The following PCDHA9 variants were observed in gnomAD, a reference collection of about 807,000 sequenced individuals.
The protein encoded by PCDHA9 is protocadherin alpha 9, also known as protocadherin alpha-9.
A neutral mutation model predicts 62.0 loss-of-function variants in PCDHA9; 62 were observed. The observed-to-expected ratio is 1.00, with a 90% CI of 0.81 to 1.23. The LOEUF is 1.23. PCDHA9 is among the 50% of genes most tolerant of loss of function. PCDHA9 has a pLI of 0.00. For missense variants in PCDHA9, 1,205 were observed against 1,249.8 expected, an observed-to-expected ratio of 0.96 and a Z score of 0.54; for synonymous variants, 557 against 567.6, an observed-to-expected ratio of 0.98 and a Z score of 0.27.
chr5:140,880,689 T>C lies in PCDHA9; in HGVS notation c.2394+29800T>C, dbSNP rs957358698. 1.2e-4 allele frequency among the ~76,000 whole-genome samples: 18 copies of C among 152,326 alleles called. No homozygotes were observed. In the South Asian group the frequency reaches 3.7e-3, roughly 32 times the overall value. Reference sequence around the variant, plus strand: ...AGAGTAAATTTGAAGAGAATAGTCATGGTTAAGTGACAATGTTGAGCAGCT... The same window carrying C: ...AGAGTAAATTTGAAGAGAATAGTCACGGTTAAGTGACAATGTTGAGCAGCT... On this transcript the variant is annotated intron_variant, in intron 1 of 3. Transcript: ENST00000532602.
chr5:140,994,417 T>C (rs1401833924), intron 3 of PCDHA9, among the ~76,000 whole-genome samples: 1 of 152,078 alleles, frequency 6.6e-6, no homozygotes, highest in East Asian at 1.9e-4. Context: ...ATACTGGATA[T>C]TGAGGCCGGG....
chr5:140,850,760 G>T lies in PCDHA9; in HGVS notation c.2265G>T (p.Arg755Ser). 1.3e-6 allele frequency: 2 copies of T among 1,598,100 alleles called. 1 individual carries two copies. The highest frequency in any genetic ancestry group is 1.7e-6 in the Non-Finnish European group (2 of 1,167,646). The change falls in exon 1 of 4, where the codon AGG becomes AGT. Residue 755 changes from arginine to serine, a missense_variant. By Grantham distance (110) the Arg-to-Ser change is moderately radical. Coordinates refer to ENST00000532602, the MANE Select transcript of PCDHA9 (RefSeq NM_031857.2). ...GTTGGTCGTACTCGCAGCAGAGGAGGCAGAGGGTGTGCTCTGGCGAGGGTA... is the reference window on the plus strand; with the variant it reads ...GTTGGTCGTACTCGCAGCAGAGGAGTCAGAGGGTGTGCTCTGGCGAGGGTA... Reference protein sequence around the residue: ...VGSWSYSQQRRQRVCSGEGKQ... With the variant: ...VGSWSYSQQRSQRVCSGEGKQ...
At chr5:140,928,165 C>T (rs1554205580) in intron 1 of PCDHA9, 3 of 1,614,200 alleles carry the variant, frequency 1.9e-6, no homozygotes, top group East Asian at 2.2e-5. Context: ...CTCACCCCCA[C>T]TTAGCACCCG....
chr5:140,986,291 A>C (rs1554247870), intron 3 of PCDHA9, among the ~76,000 whole-genome samples: 1 of 152,142 alleles, frequency 6.6e-6, no homozygotes, highest in East Asian at 1.9e-4. Context: ...CTTGAGACTG[A>C]GCAGAGAGAG....
At chr5:140,865,810 T>A (rs1350387651) in intron 1 of PCDHA9, 1 of 152,186 alleles carries the variant, frequency 6.6e-6, no homozygotes, top group Non-Finnish European at 1.5e-5. Flanking sequence ...CATTCTTTTA[T>A]CCACTATAAT....
At chr5:140,885,291 G>A (rs1554182107) in intron 1 of PCDHA9, among the ~76,000 whole-genome samples, 6 of 152,132 alleles carry the variant, frequency 3.9e-5, no homozygotes, top group Non-Finnish European at 8.8e-5. Context: ...TATATAGAGA[G>A]AGACCTGGTA....
At chr5:140,929,400 A>G (rs915139377) in intron 1 of PCDHA9, 5 of 1,509,110 alleles carry the variant, frequency 3.3e-6, no homozygotes, top group African/African-American at 2.8e-5. Flanking sequence ...TATTTCTTAG[A>G]CAAGCCTTTC....
At chr5:140,946,097 C>T (rs1452170851) in intron 1 of PCDHA9, among the ~76,000 whole-genome samples, 1 of 151,826 alleles carries the variant, frequency 6.6e-6, no homozygotes, top group Admixed American at 6.6e-5. Context: ...AAGGAGTTAA[C>T]ATACCAAATA....
At chr5:140,949,745 T>C (rs114918785) in intron 1 of PCDHA9, among the ~76,000 whole-genome samples, 49 of 152,020 alleles carry the variant, frequency 3.2e-4, no homozygotes, top group African/African-American at 1.1e-3. Context: ...ACTGAAGTGC[T>C]TAGCCCATTC....
rs1316558090 is a variant in PCDHA9, at chr5:140,876,786, G to A, written c.2394+25897G>A. 4 of 1,614,114 alleles carry A rather than the reference G, an allele frequency of 2.5e-6. No individual in the cohort carries two copies. In the African/African-American group the frequency reaches 5.3e-5, roughly 22 times the overall value. ...GGGGCTCGCCTTCGCTGTGGGCCAC[G>A]GCTAGAGTGTCCGTGGAGGTGGCCG... is the stretch of plus-strand genomic sequence containing the variant. On this transcript the variant is annotated intron_variant, in intron 1 of 3. Transcript: ENST00000532602.
intron 1 of PCDHA9, among the ~76,000 whole-genome samples, chr5:140,971,967 A>C (rs2096509788): frequency 6.6e-6 from 1 of 152,118 alleles, no homozygotes; most frequent in Non-Finnish European, 1.5e-5. Flanking sequence ...ACTTTTTTTC[A>C]ATACTATGAG....
In PCDHA9 at chr5:140,980,214, C is replaced by T. The variant is rs2096880494; in HGVS notation, c.2453+1207C>T. 2.0e-5 allele frequency among the ~76,000 whole-genome samples: 3 copies of T among 152,212 alleles called. No homozygotes were observed. The South Asian group carries it at 6.2e-4, about 31-fold the overall frequency. The stretch of plus-strand genomic sequence containing the variant: ...ATTAGAGACCAACTTGTGCTTTTGC[C>T]TGCATCTGAGCTGTTGGTGGAGACA... On this transcript the variant is annotated intron_variant, in intron 2 of 3. Transcript: ENST00000532602.
intron 1 of PCDHA9, chr5:140,881,499 C>A: frequency 3.8e-6 from 1 of 261,884 alleles, no homozygotes; most frequent in Non-Finnish European, 5.9e-6. Context: ...TGCACATACA[C>A]ACACTCACAT....
intron 1 of PCDHA9, chr5:140,870,462 G>A (rs181856615): frequency 6.4e-4 from 1,040 of 1,614,196 alleles, no homozygotes; most frequent in Non-Finnish European, 8.0e-4. Flanking sequence ...ATGCGCCTGC[G>A]TTCGCACAGC....
chr5:140,870,413 C>T (rs200037363), intron 1 of PCDHA9: 2 of 1,614,242 alleles, frequency 1.2e-6, no homozygotes, highest in South Asian at 2.2e-5. Flanking sequence ...CTGTGGGCCA[C>T]GGCCAGGGTA....
chr5:140,940,509 C>T lies in PCDHA9; in HGVS notation c.2395-38440C>T, dbSNP rs556405860. ...GACAAGTCTTGCTCCGTCGCTCAGG[C>T]GTGATCATAGCTCACTGCAATCTTG... On this transcript the variant is annotated intron_variant, in intron 1 of 3. Coordinates refer to ENST00000532602, the MANE Select transcript of PCDHA9 (RefSeq NM_031857.2). 2.0e-5 allele frequency among the ~76,000 whole-genome samples: 3 copies of T among 152,086 alleles called. No individual in the cohort carries two copies. In the South Asian group the frequency reaches 6.2e-4, roughly 32 times the overall value.
intron 1 of PCDHA9, chr5:140,856,066 C>A: frequency 6.3e-7 from 1 of 1,589,756 alleles, no homozygotes; most frequent in Non-Finnish European, 8.6e-7. Flanking sequence ...CCAGATGTAG[C>A]TGCCTGGGGG....
At chr5:140,875,373 A>G in intron 1 of PCDHA9, 7 of 1,454,810 alleles carry the variant, frequency 4.8e-6, no homozygotes, top group Non-Finnish European at 6.3e-6. Flanking sequence ...AAAATTTACT[A>G]AATATGTACT....
intron 1 of PCDHA9, chr5:140,968,774 C>T (rs2096269643): frequency 6.2e-7 from 1 of 1,614,088 alleles, no homozygotes. Flanking sequence ...AGAGCCATCA[C>T]TATCAGCCTC....
Sources: gnomAD v4.1 joint callset for allele counts (sites outside exome capture counted in the v4.1 genomes callset) on GRCh38, gnomAD v4.1.1 for gene constraint, MANE v1.5 for transcripts, NCBI Gene and HGNC (gene_info 2026-07-23, HGNC 2026-07-21) for gene names.